Variants in AGBL4 observed in about 807,000 individuals in gnomAD.
The protein encoded by AGBL4 is cytosolic carboxypeptidase 6.
A neutral mutation model predicts 66.4 loss-of-function variants in AGBL4; 58 were observed. The observed-to-expected ratio is 0.87, with a 90% CI of 0.71 to 1.09. The LOEUF (loss-of-function observed/expected upper bound fraction) is 1.09, where lower values mean the gene tolerates loss of function less well. AGBL4 is among the 50% of genes least tolerant of loss of function. The pLI is 0.00. For missense variants in AGBL4, 579 were observed against 631.0 expected (o/e 0.92, Z 0.88); for synonymous variants, 234 against 222.9 (o/e 1.05, Z -0.44).
chr1:49,899,749 T>A (rs1169219529), intron 1 of AGBL4, among the ~76,000 whole-genome samples: 1 of 152,124 alleles, frequency 6.6e-6, no homozygotes, highest in Admixed American at 6.6e-5. Flanking sequence ...ATATAAAACA[T>A]GTTTGCTCAG....
At chr1:49,185,246 G>C (rs1436394162) in intron 4 of AGBL4, among the ~76,000 whole-genome samples, 1 of 152,150 alleles carries the variant, frequency 6.6e-6, no homozygotes, top group East Asian at 1.9e-4. Flanking sequence ...TGACATAACA[G>C]ATTCTACAGA....
At chr1:49,228,723 A>G (rs1650091752) in intron 4 of AGBL4, among the ~76,000 whole-genome samples, 1 of 152,150 alleles carries the variant, frequency 6.6e-6, no homozygotes, top group African/African-American at 2.4e-5. Context: ...ACTGTGGAGA[A>G]CAGACTGTGA....
chr1:49,195,631 T>C (rs1647218243), intron 4 of AGBL4, among the ~76,000 whole-genome samples: 2 of 152,332 alleles, frequency 1.3e-5, no homozygotes, highest in Non-Finnish European at 2.9e-5. Flanking sequence ...CTACATGTTG[T>C]ATAAAGTCAA....
At chr1:49,897,331 A>G (rs1449454740) in intron 1 of AGBL4, among the ~76,000 whole-genome samples, 1 of 152,052 alleles carries the variant, frequency 6.6e-6, no homozygotes, top group Non-Finnish European at 1.5e-5. Context: ...TGAAAGAGAA[A>G]TTTAAAAACT....
chr1:49,015,422 A>ATTTT (rs549726675), intron 5 of AGBL4, among the ~76,000 whole-genome samples: 1 of 128,638 alleles, frequency 7.8e-6, no homozygotes, highest in African/African-American at 2.8e-5. Flanking sequence ...ATTTCAAGTA[A>ATTTT]TTTTTTTTTT....
intron 4 of AGBL4, among the ~76,000 whole-genome samples, chr1:49,127,731 C>A (rs867363443): frequency 6.6e-6 from 1 of 151,938 alleles, no homozygotes; most frequent in African/African-American, 2.4e-5. Flanking sequence ...ATTGAAAACT[C>A]CAAAAAAGCT....
At chr1:48,780,343 G>A (rs2148717620) in intron 6 of AGBL4, among the ~76,000 whole-genome samples, 1 of 152,064 alleles carries the variant, frequency 6.6e-6, no homozygotes, top group South Asian at 2.1e-4. Context: ...TGTGAAAATG[G>A]TCATATTGCC....
rs192044567 is a variant in AGBL4 at position 48,829,678 on chromosome 1, G to T, written c.634+37513C>A. On this transcript the variant is annotated intron_variant, in intron 6 of 13. Transcript: ENST00000371839. ...GAAAATAGGGTAGTTGGAAGAATTTGTTTTTCCAGGAGTTAAACCACTTTG... is the reference window on the plus strand; with the variant it reads ...GAAAATAGGGTAGTTGGAAGAATTTTTTTTTCCAGGAGTTAAACCACTTTG... 2.3e-4 allele frequency among the ~76,000 whole-genome samples: 35 copies of T among 151,304 alleles called. 1 individual carries two copies. The highest frequency in any genetic ancestry group is 8.0e-4 in the African/African-American group (33 of 41,226).
intron 3 of AGBL4, among the ~76,000 whole-genome samples, chr1:49,411,394 C>T (rs1405358169): frequency 6.6e-6 from 1 of 152,194 alleles, no homozygotes; most frequent in African/African-American, 2.4e-5. Flanking sequence ...GGTAGGTCTT[C>T]CTCTCCCAGT....
rs527724965 is a variant in AGBL4 at position 48,819,708 on chromosome 1, G to T, written c.634+47483C>A. On this transcript the variant is annotated intron_variant, in intron 6 of 13. Coordinates refer to ENST00000371839, the MANE Select transcript of AGBL4 (RefSeq NM_032785.4). ...ATTGGAGGAAAAACAAGCTCCAGAA[G>T]GGGAAGAACTTTTATTTGTAAGGAG... is the stretch of plus-strand genomic sequence containing the variant. Among the ~76,000 whole-genome samples, 307 of 152,290 alleles carry T rather than the reference G, an allele frequency of 2.0e-3. 1 individual carries two copies. Among genetic ancestry groups the T allele is most frequent in the African/African-American group, 7.1e-3 (295 of 41,578 alleles).
chr1:49,233,980 G>C (rs1035744842), intron 4 of AGBL4, among the ~76,000 whole-genome samples: 2 of 152,186 alleles, frequency 1.3e-5, no homozygotes, highest in Non-Finnish European at 2.9e-5. Flanking sequence ...CATGTGGGCT[G>C]TTTCTACATT....
chr1:49,260,779 A>T (rs972963949), intron 3 of AGBL4, among the ~76,000 whole-genome samples: 7 of 152,120 alleles, frequency 4.6e-5, no homozygotes, highest in African/African-American at 1.4e-4. Flanking sequence ...ATCAATAGAA[A>T]AAGAGGGAAT....
chr1:48,669,452 A>G (rs954054241), intron 6 of AGBL4, among the ~76,000 whole-genome samples: 5 of 151,962 alleles, frequency 3.3e-5, no homozygotes, highest in African/African-American at 1.2e-4. Context: ...CATGCCAGTA[A>G]CACCTCTCCC....
intron 3 of AGBL4, among the ~76,000 whole-genome samples, chr1:49,265,570 G>C (rs900989569): frequency 6.6e-6 from 1 of 152,088 alleles, no homozygotes; most frequent in African/African-American, 2.4e-5. Context: ...GGAGTTTCAA[G>C]CCTACTTCTT....
chr1:48,991,499 A>C (rs1054179986), intron 5 of AGBL4, among the ~76,000 whole-genome samples: 2 of 152,144 alleles, frequency 1.3e-5, no homozygotes, highest in African/African-American at 2.4e-5. Flanking sequence ...ACCTACTTGT[A>C]CTTGAATATT....
At chr1:49,929,196 C>T (rs1653086557) in intron 1 of AGBL4, among the ~76,000 whole-genome samples, 1 of 152,004 alleles carries the variant, frequency 6.6e-6, no homozygotes, top group Non-Finnish European at 1.5e-5. Context: ...TGAAAAACCA[C>T]CTATTGGGTA....
At chr1:49,849,219 C>T (rs924680180) in intron 2 of AGBL4, among the ~76,000 whole-genome samples, 1 of 152,002 alleles carries the variant, frequency 6.6e-6, no homozygotes, top group African/African-American at 2.4e-5. Flanking sequence ...TAAACACCAG[C>T]CTGGCAGAGT....
chr1:49,347,216 G>A (rs1645649110), intron 3 of AGBL4, among the ~76,000 whole-genome samples: 1 of 149,640 alleles, frequency 6.7e-6, no homozygotes, highest in Non-Finnish European at 1.5e-5. Context: ...GGCCTACTAT[G>A]TCTATGAAGT....
At chr1:48,755,050 G>C (rs1557950564) in intron 6 of AGBL4, among the ~76,000 whole-genome samples, 1 of 152,142 alleles carries the variant, frequency 6.6e-6, no homozygotes, top group South Asian at 2.1e-4. Context: ...TCTTGTGTGT[G>C]GAATGAATGA....
Sources: gnomAD v4.1 joint callset for allele counts (sites outside exome capture counted in the v4.1 genomes callset) on GRCh38, gnomAD v4.1.1 for gene constraint, MANE v1.5 for transcripts, NCBI Gene and HGNC (gene_info 2026-07-23, HGNC 2026-07-21) for gene names.